RCOR2: variants seen among roughly 807,000 people sequenced by gnomAD.
RCOR2 encodes the protein REST corepressor 2.
In RCOR2, 19 loss-of-function variants were observed where a neutral mutation model predicts 58.9. The ratio of observed to expected loss-of-function variants is 0.32; its 90% confidence interval spans 0.23 to 0.47. The LOEUF (loss-of-function observed/expected upper bound fraction) is 0.47, where lower values mean the gene tolerates loss of function less well. Ranked by LOEUF, RCOR2 falls within the 20% of genes least tolerant of loss-of-function variation. The pLI is 1.00. For missense variants in RCOR2, 590 were observed against 707.9 expected (o/e 0.83, Z 1.89); for synonymous variants, 286 against 278.7 (o/e 1.03, Z -0.26).
the RCOR2 span, among the ~76,000 whole-genome samples, chr11:63,925,076 CTCCTGACCTCAGGCGATCCACCTGCCTCA>C: frequency 6.6e-6 from 1 of 152,098 alleles, no homozygotes; most frequent in African/African-American, 2.4e-5. Context: ...TGGTCCCAAA[CTCCTGACCTCAGGCGATCCACCTGCCTCA>C]GCCTCCCAAA....
intron 3 of RCOR2, 67 bp downstream of exon 3, chr11:63,915,111 T>C: frequency 1.3e-6 from 2 of 1,514,796 alleles, no homozygotes; most frequent in Middle Eastern, 1.7e-4. Flanking sequence ...AGCCCCCTTC[T>C]GAGAAGAGCT....
chr11:63,912,210 G>A (rs1336090637), intron 11 of RCOR2, 31 bp from the exon 12 acceptor site: 2 of 1,592,254 alleles, frequency 1.3e-6, no homozygotes, highest in East Asian at 2.3e-5. Context: ...GAGAAGCCAG[G>A]CTCTTCCCGC....
rs1941781244 is a variant in RCOR2, at chr11:63,912,395, C to T, written c.1167G>A (p.Glu389=). 3 of 1,613,884 alleles carry T rather than the reference C, an allele frequency of 1.9e-6. No homozygotes were observed. The highest frequency in any genetic ancestry group is 2.5e-6 in the Non-Finnish European group (3 of 1,179,994). ...CTGGGGCTCCAGGGGCCCCATCCTG[C>T]TCAGCCTCCCATTCCTGCAGCACCT... ...LEEVLQEWEA[E]QDGAPGAPVP... is the part of the protein sequence containing the mutation. Residue 389 remains glutamate, a synonymous_variant, in exon 11 of 12, where the codon GAG becomes GAA. Coordinates refer to ENST00000301459, the MANE Select transcript of RCOR2 (RefSeq NM_173587.4).
chr11:63,920,581 G>A (rs532652142), upstream of RCOR2, among the ~76,000 whole-genome samples: 32 of 152,326 alleles, frequency 2.1e-4, 1 homozygote, highest in South Asian at 6.6e-3. Context: ...GGGTTGGGGA[G>A]GGAGTGTGGT....
chr11:63,912,938 T>A lies in RCOR2; in HGVS notation c.901A>T (p.Met301Leu), dbSNP rs781534671. The A allele has an allele frequency of 1.2e-6, 2 of 1,613,186 alleles. No individual in the cohort carries two copies. Among genetic ancestry groups the A allele is most frequent in the East Asian group, 4.5e-5 (2 of 44,862 alleles). Reference sequence around the variant, plus strand: ...CGCAGGCTGCTGTTCGTCTGCTTCATGCTCTGTACCTGGGAAGGCCAGGAA... The same window carrying A: ...CGCAGGCTGCTGTTCGTCTGCTTCAAGCTCTGTACCTGGGAAGGCCAGGAA... ...LISLKRQVQS[M>L]KQTNSSLRQA... The change falls in exon 9 of 12, where the codon ATG (methionine) becomes TTG (leucine). Residue 301 changes from methionine (M) to leucine (L), a missense_variant. Met to Leu is a conservative substitution (Grantham distance 15). Around this residue, in one of 3 missense-constraint regions of RCOR2, gnomAD observed 390 missense variants for 478.7 expected, o/e 0.81. Coordinates refer to ENST00000301459, the MANE Select transcript of RCOR2 (RefSeq NM_173587.4).
At chr11:63,918,176 C>T (rs567918442), upstream of RCOR2, among the ~76,000 whole-genome samples, 24 of 151,998 alleles carry the variant, frequency 1.6e-4, no homozygotes, top group Non-Finnish European at 3.1e-4. Flanking sequence ...CAGGCACACC[C>T]CGCTGTGCCC....
rs201647626 is a variant in RCOR2 at position 63,916,482 on chromosome 11, C to G, written c.-26G>C. The G allele has an allele frequency of 1.5e-3, 2,336 of 1,597,372 alleles. 3 individuals carry two copies. Among genetic ancestry groups the G allele is most frequent in the Non-Finnish European group, 1.9e-3 (2,176 of 1,173,400 alleles). The stretch of plus-strand genomic sequence containing the variant: ...TACCCCGCCCAGCTGCCCCGGGGGG[C>G]GCAGGAGCCTTCGGAGAGCGACAGT... On this transcript the variant is annotated 5_prime_UTR_variant, in exon 1 of 12. Coordinates refer to ENST00000301459, the MANE Select transcript of RCOR2 (RefSeq NM_173587.4).
In RCOR2 at chr11:63,916,183, T is replaced by G. The variant is rs796977642; in HGVS notation, c.127+147A>C. The G allele has an allele frequency of 6.4e-5, 51 of 793,608 alleles. No homozygotes were observed. The African/African-American group carries it at 7.5e-4, about 12-fold the overall frequency. 49.2% of individuals were successfully genotyped at this position (793,608 alleles called of 1,614,324 possible). A position where few individuals can be genotyped will look rare whatever the true frequency, so the allele number is the denominator to read the frequency against. On this transcript the variant is annotated intron_variant, in intron 1 of 11. Coordinates refer to ENST00000301459, the MANE Select transcript of RCOR2 (RefSeq NM_173587.4). ...GATTGGCTGTGCCGGCAGCCTGGGT[T>G]TGTGGGAGAAGCAACGCAGAGGCTC...
intron 5 of RCOR2, 28 bp downstream of exon 5, chr11:63,914,627 C>G: frequency 6.2e-7 from 1 of 1,604,804 alleles, no homozygotes; most frequent in Non-Finnish European, 8.5e-7. Flanking sequence ...CAGAGGAGCG[C>G]CGGGGAGTGG....
At chr11:63,913,659 T>A (rs1296644392) in intron 8 of RCOR2, among the ~76,000 whole-genome samples, 1 of 152,068 alleles carries the variant, frequency 6.6e-6, no homozygotes, top group Non-Finnish European at 1.5e-5. Context: ...ATTTTTGTAT[T>A]TTTAGTAGAG....
rs1941762137 is a variant in RCOR2, at chr11:63,911,778, C to T, written c.*87G>A. On this transcript the variant is annotated 3_prime_UTR_variant, in exon 12 of 12. Transcript: ENST00000301459. ...ACAAAGACCCCGCCAGAGCCCTAGT[C>T]CCTTCTGTCCTCAGTGACACCAGAG... 1 of 1,437,738 alleles carries T rather than the reference C, an allele frequency of 7.0e-7. No homozygotes were observed. The highest frequency in any genetic ancestry group is 9.0e-7 in the Non-Finnish European group (1 of 1,109,508). 89.1% of individuals were successfully genotyped at this position (1,437,738 alleles called of 1,614,324 possible).
chr11:63,913,990 T>G lies in RCOR2; in HGVS notation c.855A>C (p.Arg285=). ...GGGAGATGAGCTGAGAGTCAAGACC[T>G]CGGAGCGTGAGGTTGGCAAGGTCCG... is the stretch of plus-strand genomic sequence containing the variant. ...GSPDLANLTL[R]GLDSQLISLK... is the part of the protein sequence containing the mutation. The change falls in exon 8 of 12, where the codon CGA becomes CGC. Residue 285 remains arginine, a synonymous_variant. Transcript: ENST00000301459. The G allele has an allele frequency of 4.3e-6, 7 of 1,613,796 alleles. No homozygotes were observed. Among genetic ancestry groups the G allele is most frequent in the Non-Finnish European group, 4.2e-6 (5 of 1,180,008 alleles).
upstream of RCOR2, among the ~76,000 whole-genome samples, chr11:63,917,934 C>T (rs927184664): frequency 6.6e-6 from 1 of 152,062 alleles, no homozygotes; most frequent in African/African-American, 2.4e-5. Flanking sequence ...GCGGGTAGAG[C>T]GGCACAGACG....
chr11:63,915,506 C>T (rs1201429172), intron 2 of RCOR2, 49 bp downstream of exon 2: 3 of 1,531,292 alleles, frequency 2.0e-6, no homozygotes, highest in East Asian at 4.9e-5. Context: ...GCAGGCCAAG[C>T]CCCGGGCCTC....
In RCOR2 at chr11:63,911,810, G is replaced by A; in HGVS notation, c.*55C>T. On this transcript the variant is annotated 3_prime_UTR_variant, in exon 12 of 12. Transcript: ENST00000301459. ...GTCCTCAGTGACACCAGAGATGCCTGGGGATGGCCAGCAAAGGGGTCCTGG... is the reference window on the plus strand; with the variant it reads ...GTCCTCAGTGACACCAGAGATGCCTAGGGATGGCCAGCAAAGGGGTCCTGG... 6.8e-7 allele frequency: 1 copy of A among 1,475,084 alleles called. No individual in the cohort carries two copies. Among genetic ancestry groups the A allele is most frequent in the Non-Finnish European group, 8.9e-7 (1 of 1,127,076 alleles). The allele number at this position is 1,475,084 out of a possible 1,614,324, so 91.4% of individuals were successfully genotyped here. A position where few individuals can be genotyped will look rare whatever the true frequency, so the allele number is the denominator to read the frequency against.
chr11:63,927,122 T>A, the RCOR2 span, among the ~76,000 whole-genome samples: 1 of 152,154 alleles, frequency 6.6e-6, no homozygotes, highest in East Asian at 1.9e-4. Context: ...ATTACAGGCA[T>A]GAACCACTGT....
rs1396918311 is a variant in RCOR2 at position 63,917,153 on chromosome 11, C to A, written c.-697G>T. ...CCGCTCTCCGCCGCCGCTCGCTCCTCGCGCACACAATGAAGCTGCTGGCAG... is the reference window on the plus strand; with the variant it reads ...CCGCTCTCCGCCGCCGCTCGCTCCTAGCGCACACAATGAAGCTGCTGGCAG... On this transcript the variant is annotated 5_prime_UTR_variant, in exon 1 of 12. Transcript: ENST00000301459. Among the ~76,000 whole-genome samples, 2 of 152,012 alleles carry A rather than the reference C, an allele frequency of 1.3e-5. No homozygotes were observed. Among genetic ancestry groups the A allele is most frequent in the Non-Finnish European group, 2.9e-5 (2 of 67,940 alleles).
chr11:63,915,567 C>G lies in RCOR2; in HGVS notation c.172G>C (p.Glu58Gln). The change falls in exon 2 of 12, where the codon GAG becomes CAG. Residue 58 changes from glutamate (E) to glutamine (Q), a missense_variant. Physicochemically the swap from Glu to Gln is conservative, Grantham distance 29. This residue lies in a region of RCOR2 where 390 missense variants were observed against 478.7 expected (regional missense o/e 0.81). Transcript: ENST00000301459. ...TCCTGCGGCTCACCAGGCTTGCACT[C>G]CGGAATTACGGCCTGGTAATTGGTT... is the stretch of plus-strand genomic sequence containing the variant. ...VGTNYQAVIPECKPESPARYS... is the reference protein window; with the variant it reads ...VGTNYQAVIPQCKPESPARYS... 1 of 1,555,384 alleles carries G rather than the reference C, an allele frequency of 6.4e-7. No homozygotes were observed. The highest frequency in any genetic ancestry group is 8.7e-7 in the Non-Finnish European group (1 of 1,148,528).
At chr11:63,912,604 T>C in intron 10 of RCOR2, 70 bp from the exon 11 acceptor site, 2 of 1,591,004 alleles carry the variant, frequency 1.3e-6, no homozygotes, top group Non-Finnish European at 1.7e-6. Flanking sequence ...CCTTCCCCTC[T>C]GCCCCCCCAC....
Sources: gnomAD v4.1 joint callset for allele counts (sites outside exome capture counted in the v4.1 genomes callset) on GRCh38, gnomAD v4.1.1 for gene constraint, gnomAD v4.1.1 regional missense constraint, MANE v1.5 for transcripts, NCBI Gene and HGNC (gene_info 2026-07-23, HGNC 2026-07-21) for gene names.